Variants in DNA2 observed in about 807,000 individuals in gnomAD.
DNA2 encodes the protein DNA replication helicase/nuclease 2.
Under a neutral mutation model 119.1 loss-of-function variants are expected in DNA2, and 101 were observed. The ratio of observed to expected loss-of-function variants is 0.85; its 90% CI spans 0.72 to 1.00. The LOEUF is 1.00. Ranked by LOEUF, DNA2 falls within the 50% of genes least tolerant of loss-of-function variation. The pLI is 0.00. For missense variants in DNA2, 1,121 were observed against 1,255.5 expected (o/e 0.89, Z 1.62); for synonymous variants, 366 against 424.4 (o/e 0.86, Z 1.69).
At position 68,431,897 on chromosome 10, in the gene DNA2, G is replaced by A. The variant is rs771009196; in HGVS notation, c.1948C>T (p.Pro650Ser). 4.3e-6 allele frequency: 7 copies of A among 1,613,554 alleles called. No homozygotes were observed. ...ATCGTAGTTGTTTTTCCTGTCCCAG[G>A]CATACCCACGATGAGTGTGTAGTCT... is the stretch of plus-strand genomic sequence containing the variant. ...SKDYTLIVGM[P>S]GTGKTTTICT... The change falls in exon 13 of 21, where the codon CCT becomes TCT. Residue 650 changes from proline (P) to serine (S), a missense_variant. Pro to Ser is a moderately conservative substitution (Grantham distance 74). Coordinates refer to ENST00000358410, the MANE Select transcript of DNA2 (RefSeq NM_001080449.3).
chr10:68,432,584 G>T, intron 10 of DNA2, 74 bp from the exon 11 acceptor site: 2 of 855,464 alleles, frequency 2.3e-6, no homozygotes, highest in Non-Finnish European at 3.7e-6. Flanking sequence ...GCTGCTATCT[G>T]CTAAAAGAAT....
intron 2 of DNA2, among the ~76,000 whole-genome samples, chr10:68,469,111 C>T (rs1237026273): frequency 6.6e-6 from 1 of 151,912 alleles, no homozygotes; most frequent in Non-Finnish European, 1.5e-5. Flanking sequence ...CAAAGTTAGA[C>T]CTCTAGCTTT....
chr10:68,418,029 C>T (rs188440883), intron 19 of DNA2, among the ~76,000 whole-genome samples: 15 of 152,286 alleles, frequency 9.8e-5, no homozygotes, highest in African/African-American at 3.1e-4. Flanking sequence ...ATCATGAATA[C>T]AGAGTTTTAG....
chr10:68,424,827 G>A, intron 14 of DNA2: 2 of 918,704 alleles, frequency 2.2e-6, no homozygotes, highest in Admixed American at 1.7e-5. Flanking sequence ...GCGTGAGTAG[G>A]CCAACAGCAC....
intron 4 of DNA2, among the ~76,000 whole-genome samples, chr10:68,460,583 T>C (rs977096021): frequency 3.3e-5 from 5 of 151,874 alleles, no homozygotes; most frequent in African/African-American, 9.7e-5. Flanking sequence ...AATTTTTGTA[T>C]TTTTAGTAAA....
Position 68,430,644 on chromosome 10 carries a change from G to A in DNA2, c.2000C>T (p.Ala667Val). The A allele has an allele frequency of 6.3e-7, 1 of 1,590,244 alleles. No individual in the cohort carries two copies. Among genetic ancestry groups the A allele is most frequent in the South Asian group, 1.2e-5 (1 of 86,444 alleles). Residue 667 changes from alanine (A) to valine (V), a missense_variant, in exon 14 of 21, where the codon GCC becomes GTC. By Grantham distance (64) the Ala-to-Val change is moderately conservative. Coordinates refer to ENST00000358410, the MANE Select transcript of DNA2 (RefSeq NM_001080449.3). ...GGTCAACAAAACGCTAAAACCACAG[G>A]CGTAGAGAATTCTTACCTAATAATG... is the stretch of plus-strand genomic sequence containing the variant. ...TICTLVRILY[A>V]CGFSVLLTSY...
chr10:68,458,540 GAAAA>G (rs1184610293), intron 5 of DNA2, among the ~76,000 whole-genome samples: 1 of 102,766 alleles, frequency 9.7e-6, no homozygotes, highest in South Asian at 3.1e-4. Flanking sequence ...TATCAAAAAA[GAAAA>G]AAAAAAAAAA....
At chr10:68,462,534 T>G (rs1167452822) in intron 4 of DNA2, among the ~76,000 whole-genome samples, 2 of 151,012 alleles carry the variant, frequency 1.3e-5, no homozygotes, top group African/African-American at 4.9e-5. Flanking sequence ...AGAGCAAAAG[T>G]TTTGAGAACT....
upstream of DNA2, chr10:68,472,048 C>T: frequency 1.2e-6 from 2 of 1,602,080 alleles, no homozygotes; most frequent in Non-Finnish European, 1.7e-6. Context: ...ACGTGGGGCC[C>T]CTCACCTGAG....
chr10:68,464,514 C>T (rs999477993), intron 4 of DNA2, among the ~76,000 whole-genome samples: 7 of 151,418 alleles, frequency 4.6e-5, no homozygotes, highest in African/African-American at 7.3e-5. Flanking sequence ...GACTCCGTCT[C>T]GAAAACAAAA....
chr10:68,460,257 C>A (rs970041979), intron 4 of DNA2, among the ~76,000 whole-genome samples: 1 of 151,844 alleles, frequency 6.6e-6, no homozygotes, highest in Admixed American at 6.6e-5. Context: ...CAGGCACACA[C>A]CACCATGCTA....
intron 20 of DNA2, 179 bp downstream of exon 20, chr10:68,416,530 G>C: frequency 1.8e-6 from 1 of 571,348 alleles, no homozygotes; most frequent in African/African-American, 1.9e-5. Flanking sequence ...GTTATAGGCT[G>C]GGGGCCGTGG....
At chr10:68,448,966 T>TGC (rs1554907482) in intron 6 of DNA2, among the ~76,000 whole-genome samples, 3,179 of 131,120 alleles carry the variant, frequency 0.024, 41 homozygotes, top group African/African-American at 0.035. Context: ...TGTGTGTGTG[T>TGC]GCGTGTGTGT....
At chr10:68,423,298 AC>A (rs897676328) in intron 14 of DNA2, among the ~76,000 whole-genome samples, 2 of 150,606 alleles carry the variant, frequency 1.3e-5, no homozygotes, top group South Asian at 2.1e-4. Flanking sequence ...AAAAAAAAAA[AC>A]AAAAGAAGAC....
At chr10:68,422,456 A>G (rs1264872992) in intron 16 of DNA2, 27 bp from the exon 17 acceptor site, 2 of 1,612,554 alleles carry the variant, frequency 1.2e-6, no homozygotes, top group Non-Finnish European at 1.7e-6. Flanking sequence ...AGATAACTTT[A>G]GTTTTGGTAG....
At chr10:68,458,552 A>AG in intron 5 of DNA2, among the ~76,000 whole-genome samples, 1 of 151,940 alleles carries the variant, frequency 6.6e-6, no homozygotes, top group East Asian at 1.9e-4. Context: ...AAAAAAAAAA[A>AG]AAGAAGAAGA....
At chr10:68,421,825 T>TCC (rs111771469) in intron 17 of DNA2, among the ~76,000 whole-genome samples, 3 of 151,634 alleles carry the variant, frequency 2.0e-5, no homozygotes, top group African/African-American at 7.3e-5. Flanking sequence ...CCTTTTTTTT[T>TCC]CCCCCCAAGA....
intron 20 of DNA2, among the ~76,000 whole-genome samples, chr10:68,416,157 G>A (rs1234382516): frequency 6.6e-6 from 1 of 152,146 alleles, no homozygotes; most frequent in African/African-American, 2.4e-5. Flanking sequence ...CCTGAGTGAA[G>A]TTAGGCACCA....
At chr10:68,444,321 C>A (rs1174610937) in intron 8 of DNA2, among the ~76,000 whole-genome samples, 1 of 150,112 alleles carries the variant, frequency 6.7e-6, no homozygotes. Context: ...ACTAGGGAGG[C>A]GGAGGTTGCA....
Sources: gnomAD v4.1 joint callset for allele counts (sites outside exome capture counted in the v4.1 genomes callset) on GRCh38, gnomAD v4.1.1 for gene constraint, MANE v1.5 for transcripts, NCBI Gene and HGNC (gene_info 2026-07-23, HGNC 2026-07-21) for gene names.